Variants in GRIK4 observed in about 807,000 individuals in gnomAD.
GRIK4 encodes the protein glutamate ionotropic receptor kainate type subunit 4, also known as glutamate receptor ionotropic, kainate 4.
In GRIK4, 40 loss-of-function variants were observed where a neutral mutation model predicts 104.9. That is an observed-to-expected ratio of 0.38 (90% CI 0.30 to 0.50). GRIK4 has a LOEUF of 0.50. Among genes scored for constraint, GRIK4 ranks in the 20% least tolerant of loss-of-function variants. The pLI, the probability that GRIK4 is intolerant of heterozygous loss-of-function variation, is 0.93. For missense variants in GRIK4, 1,047 were observed against 1,308.1 expected (o/e 0.80, Z 3.08); for synonymous variants, 485 against 524.9 (o/e 0.92, Z 1.04).
intron 19 of GRIK4, among the ~76,000 whole-genome samples, chr11:120,978,874 G>T (rs1463199197): frequency 2.0e-5 from 3 of 152,148 alleles, no homozygotes; most frequent in Non-Finnish European, 2.9e-5. Flanking sequence ...AGCCAAGATG[G>T]GAGTGTGACT....
intron 8 of GRIK4, among the ~76,000 whole-genome samples, chr11:120,850,510 T>C (rs1953948942): frequency 2.0e-5 from 3 of 152,212 alleles, no homozygotes; most frequent in Non-Finnish European, 4.4e-5. Context: ...ATACATCCCT[T>C]GATCATGCAA....
chr11:120,971,843 G>A (rs1944480685), intron 19 of GRIK4, among the ~76,000 whole-genome samples: 1 of 152,266 alleles, frequency 6.6e-6, no homozygotes, highest in African/African-American at 2.4e-5. Context: ...CTGAGAACTC[G>A]GTTTGAATAG....
chr11:120,955,613 G>A (rs1318236031), intron 15 of GRIK4, among the ~76,000 whole-genome samples: 40 of 152,244 alleles, frequency 2.6e-4, no homozygotes, highest in Non-Finnish European at 1.2e-4. Context: ...CATTCAGAGA[G>A]ACGCCAGTGG....
At chr11:120,729,612 G>T (rs1375466594) in intron 3 of GRIK4, among the ~76,000 whole-genome samples, 1 of 152,148 alleles carries the variant, frequency 6.6e-6, no homozygotes, top group African/African-American at 2.4e-5. Context: ...TGGATCATTG[G>T]ACTTTTTCCT....
chr11:120,777,219 C>G (rs1009121841), intron 3 of GRIK4, among the ~76,000 whole-genome samples: 4 of 152,230 alleles, frequency 2.6e-5, no homozygotes, highest in Non-Finnish European at 5.9e-5. Flanking sequence ...CCCCCAATAC[C>G]TCTAACACAT....
At chr11:120,620,262 G>A (rs960934330) in intron 1 of GRIK4, 20 of 741,950 alleles carry the variant, frequency 2.7e-5, no homozygotes, top group Admixed American at 1.8e-4. Context: ...TTTTCTCCTC[G>A]CCATCCATTT....
In GRIK4 at chr11:120,529,131, A is replaced by T. The variant is rs910785897; in HGVS notation, c.-159+17244A>T. 3.0e-3 allele frequency among the ~76,000 whole-genome samples: 433 copies of T among 142,696 alleles called. 1 individual carries two copies. Among genetic ancestry groups the T allele is most frequent in the African/African-American group, 0.011 (412 of 37,744 alleles). The allele number at this position is 142,696 out of a possible 152,430, so 93.6% of individuals were successfully genotyped here. Reference sequence around the variant, plus strand: ...CCTCCCTGAGCCTGCATAACCCCCCACCCCGACCCTCATGTGCTCTTGCAG... The same window carrying T: ...CCTCCCTGAGCCTGCATAACCCCCCTCCCCGACCCTCATGTGCTCTTGCAG... On this transcript the variant is annotated intron_variant, in intron 1 of 20. Coordinates refer to ENST00000527524, the MANE Select transcript of GRIK4 (RefSeq NM_014619.5).
chr11:120,713,008 G>A (rs1243753046), intron 3 of GRIK4, among the ~76,000 whole-genome samples: 1 of 152,168 alleles, frequency 6.6e-6, no homozygotes, highest in Non-Finnish European at 1.5e-5. Context: ...GCTGGAGTGG[G>A]GATGAGAGAG....
intron 1 of GRIK4, among the ~76,000 whole-genome samples, chr11:120,536,007 C>A (rs983907185): frequency 6.6e-6 from 1 of 152,114 alleles, no homozygotes; most frequent in Non-Finnish European, 1.5e-5. Flanking sequence ...TGGAAAAAGA[C>A]GAGAAGGTAG....
chr11:120,770,120 G>A (rs1397255088), intron 3 of GRIK4, among the ~76,000 whole-genome samples: 2 of 152,210 alleles, frequency 1.3e-5, no homozygotes. Flanking sequence ...AGTAGTCATT[G>A]AAACACTTAC....
At chr11:120,646,747 G>A (rs548193540) in intron 1 of GRIK4, among the ~76,000 whole-genome samples, 24 of 152,264 alleles carry the variant, frequency 1.6e-4, no homozygotes, top group African/African-American at 5.3e-4. Flanking sequence ...AACATAAGAT[G>A]GGGGATGAAT....
At chr11:120,884,145 C>G (rs141204319) in intron 11 of GRIK4, among the ~76,000 whole-genome samples, 1 of 152,350 alleles carries the variant, frequency 6.6e-6, no homozygotes, top group Non-Finnish European at 1.5e-5. Context: ...AGTTTCTGTT[C>G]TAGCATTCTG....
intron 3 of GRIK4, among the ~76,000 whole-genome samples, chr11:120,671,065 G>T (rs770996104): frequency 6.6e-6 from 1 of 152,162 alleles, no homozygotes; most frequent in Non-Finnish European, 1.5e-5. Flanking sequence ...GTATTCCATG[G>T]TATATATGTG....
At chr11:120,600,618 CCT>C (rs1318041983) in intron 1 of GRIK4, among the ~76,000 whole-genome samples, 2 of 152,150 alleles carry the variant, frequency 1.3e-5, no homozygotes, top group African/African-American at 4.8e-5. Context: ...GTCTGGGGAC[CCT>C]CTCCCCACCA....
chr11:120,777,752 C>G (rs1464800593), intron 3 of GRIK4, among the ~76,000 whole-genome samples: 1 of 152,086 alleles, frequency 6.6e-6, no homozygotes, highest in Admixed American at 6.5e-5. Flanking sequence ...GCCTGGCCAA[C>G]ATGGTGAAAC....
At chr11:120,856,985 C>T (rs964411215) in intron 8 of GRIK4, among the ~76,000 whole-genome samples, 1 of 152,178 alleles carries the variant, frequency 6.6e-6, no homozygotes, top group African/African-American at 2.4e-5. Context: ...TCTGCCCAAC[C>T]TTTCCCTTAT....
chr11:120,608,557 C>T (rs903517199), intron 1 of GRIK4, among the ~76,000 whole-genome samples: 1 of 152,220 alleles, frequency 6.6e-6, no homozygotes, highest in Admixed American at 6.5e-5. Flanking sequence ...TTGTGATCCT[C>T]ACCCCTCTAG....
intron 1 of GRIK4, chr11:120,619,986 T>C: frequency 2.0e-6 from 1 of 501,374 alleles, no homozygotes. Flanking sequence ...TTCAGTGTAA[T>C]TGGGAGTTTG....
intron 3 of GRIK4, among the ~76,000 whole-genome samples, chr11:120,693,323 T>C (rs548428152): frequency 6.6e-6 from 1 of 152,198 alleles, no homozygotes; most frequent in African/African-American, 2.4e-5. Context: ...CAGGCTGGTC[T>C]TGAACTCCTG....
Sources: allele counts gnomAD v4.1 joint callset (sites outside exome capture counted in the v4.1 genomes callset), GRCh38; gene constraint gnomAD v4.1.1; transcripts MANE v1.5; gene names NCBI Gene and HGNC (gene_info 2026-07-23, HGNC 2026-07-21).